Variants in VPS41 observed in about 807,000 individuals in gnomAD.
VPS41 encodes the protein VPS41 subunit of HOPS complex, also known as vacuolar protein sorting-associated protein 41 homolog.
VPS41 carries 85 observed loss-of-function variants against 130.9 expected under a neutral mutation model. The ratio of observed to expected loss-of-function variants is 0.65; its 90% CI spans 0.55 to 0.78. VPS41 has a LOEUF of 0.78. VPS41 is among the 30% of genes least tolerant of loss of function. The pLI, the probability that VPS41 is intolerant of heterozygous loss-of-function variation, is 0.00. For missense variants in VPS41, 874 were observed against 1,018.7 expected (o/e 0.86, Z 1.93); for synonymous variants, 335 against 332.9 (o/e 1.01, Z -0.07).
At chr7:38,731,472 A>G (rs1365224360) in intron 25 of VPS41, among the ~76,000 whole-genome samples, 2 of 152,184 alleles carry the variant, frequency 1.3e-5, no homozygotes, top group Non-Finnish European at 2.9e-5. Flanking sequence ...GATGGCCAAA[A>G]GTCAGATGCC....
intron 10 of VPS41, among the ~76,000 whole-genome samples, chr7:38,784,171 T>A (rs933086804): frequency 6.6e-6 from 1 of 152,218 alleles, no homozygotes; most frequent in Non-Finnish European, 1.5e-5. Flanking sequence ...TGTGAGGCAG[T>A]ATGCTAAATA....
intron 3 of VPS41, among the ~76,000 whole-genome samples, chr7:38,864,952 T>C (rs1041493246): frequency 6.6e-5 from 10 of 152,038 alleles, no homozygotes; most frequent in Admixed American, 4.6e-4. Flanking sequence ...AACTGATAAA[T>C]GTACATCCAT....
intron 4 of VPS41, among the ~76,000 whole-genome samples, chr7:38,851,936 T>G (rs1052106275): frequency 6.6e-6 from 1 of 152,188 alleles, no homozygotes; most frequent in Admixed American, 6.5e-5. Flanking sequence ...TAAAAAAAGC[T>G]AAAGTGTTAA....
At chr7:38,868,228 A>C (rs983600966) in intron 3 of VPS41, among the ~76,000 whole-genome samples, 4 of 152,248 alleles carry the variant, frequency 2.6e-5, no homozygotes, top group Non-Finnish European at 5.9e-5. Context: ...GGAGAATGGC[A>C]GCAATGAAAA....
Position 38,821,211 on chromosome 7 carries a change from G to T in VPS41, c.376C>A (p.Pro126Thr). 1 of 1,613,250 alleles carries T rather than the reference G, an allele frequency of 6.2e-7. No homozygotes were observed. Among genetic ancestry groups the T allele is most frequent in the South Asian group, 1.1e-5 (1 of 91,006 alleles). ...ACTTGCTGAATACTTACTTTAATGGGACAGTCAAAAGTCTCGTGAAATTCT... is the reference window on the plus strand; with the variant it reads ...ACTTGCTGAATACTTACTTTAATGGTACAGTCAAAAGTCTCGTGAAATTCT... Reference protein sequence around the residue: ...GEEFHETFDCPIKIIAVHPHF... With the variant: ...GEEFHETFDCTIKIIAVHPHF... The change falls in exon 6 of 29, where the codon CCC becomes ACC. Residue 126 changes from proline to threonine, a missense_variant. Transcript: ENST00000310301.
chr7:38,729,526 C>T (rs1162296023), intron 25 of VPS41, among the ~76,000 whole-genome samples: 2 of 152,108 alleles, frequency 1.3e-5, no homozygotes, highest in East Asian at 3.8e-4. Flanking sequence ...GAGTCCTTTT[C>T]TTTATTCTTC....
At chr7:38,846,000 C>CA (rs1785716160) in intron 4 of VPS41, among the ~76,000 whole-genome samples, 1 of 151,978 alleles carries the variant, frequency 6.6e-6, no homozygotes. Context: ...AACAAAGATA[C>CA]AAAAGAAAGA....
intron 25 of VPS41, among the ~76,000 whole-genome samples, chr7:38,731,823 C>T (rs1359663022): frequency 6.6e-6 from 1 of 151,984 alleles, no homozygotes; most frequent in Non-Finnish European, 1.5e-5. Context: ...CAGTCCCTAC[C>T]ACCTAGATTT....
rs1275645557 is a variant in VPS41, at chr7:38,772,724, A to G, written c.1013-87T>C. On this transcript the variant is annotated intron_variant, in intron 12 of 28. Coordinates refer to ENST00000310301, the MANE Select transcript of VPS41 (RefSeq NM_014396.4). ...TTCAGAGGACCTGGTTAGGTTACCCAACCCAAGAGCGAACAGAAAATGTGT... is the reference window on the plus strand; with the variant it reads ...TTCAGAGGACCTGGTTAGGTTACCCGACCCAAGAGCGAACAGAAAATGTGT... The G allele has an allele frequency of 2.0e-5, 16 of 784,628 alleles. No homozygotes were observed. In the East Asian group the frequency reaches 4.3e-4, roughly 21 times the overall value. The allele number at this position is 784,628 out of a possible 1,614,324, so 48.6% of individuals were successfully genotyped here.
chr7:38,838,181 A>G (rs542689894), intron 4 of VPS41, among the ~76,000 whole-genome samples: 2 of 152,220 alleles, frequency 1.3e-5, no homozygotes, highest in East Asian at 3.9e-4. Context: ...ACGTACATCT[A>G]CCATTTCTAT....
At chr7:38,791,460 AT>A (rs777401303) in intron 9 of VPS41, among the ~76,000 whole-genome samples, 16 of 152,256 alleles carry the variant, frequency 1.1e-4, no homozygotes, top group East Asian at 1.9e-4. Context: ...AGATATCATT[AT>A]TTTCTTAAGA....
At position 38,724,413 on chromosome 7, in the gene VPS41, T is replaced by C. The variant is rs1462573803; in HGVS notation, c.*1833A>G. ...AGTGTAGCAGAAAGCACACTAGTCT[T>C]GGGATAAGGAAATGCTGAGAAGGCT... On this transcript the variant is annotated 3_prime_UTR_variant, in exon 29 of 29. Transcript: ENST00000310301. 6.6e-6 allele frequency: 1 copy of C among 152,160 alleles called. No homozygotes were observed. The highest frequency in any genetic ancestry group is 1.5e-5 in the Non-Finnish European group (1 of 68,032). 9.4% of individuals were successfully genotyped at this position (152,160 alleles called of 1,614,324 possible).
chr7:38,833,181 C>CT (rs1204991221), intron 4 of VPS41, among the ~76,000 whole-genome samples: 1 of 152,186 alleles, frequency 6.6e-6, no homozygotes, highest in Non-Finnish European at 1.5e-5. Flanking sequence ...TTCACCACCC[C>CT]TACAGCTGCT....
At chr7:38,819,889 A>G (rs1016947491) in intron 6 of VPS41, among the ~76,000 whole-genome samples, 1 of 152,120 alleles carries the variant, frequency 6.6e-6, no homozygotes, top group Non-Finnish European at 1.5e-5. Context: ...TTATTCAACT[A>G]TGGTTATCAC....
At chr7:38,849,551 C>T (rs1377335858) in intron 4 of VPS41, among the ~76,000 whole-genome samples, 1 of 152,168 alleles carries the variant, frequency 6.6e-6, no homozygotes, top group African/African-American at 2.4e-5. Context: ...AGTAGCCCGG[C>T]CTCTCCTCCA....
intron 7 of VPS41, among the ~76,000 whole-genome samples, chr7:38,797,789 G>C (rs1468178072): frequency 6.6e-6 from 1 of 152,176 alleles, no homozygotes; most frequent in Non-Finnish European, 1.5e-5. Context: ...ACAGGGGAAA[G>C]AGAGTAAATT....
intron 10 of VPS41, among the ~76,000 whole-genome samples, chr7:38,785,266 A>G (rs1227939907): frequency 6.6e-6 from 1 of 152,252 alleles, no homozygotes; most frequent in Non-Finnish European, 1.5e-5. Context: ...TGTGCTAAGA[A>G]GCAGACACAT....
At chr7:38,872,157 A>G (rs986119531) in intron 2 of VPS41, among the ~76,000 whole-genome samples, 1 of 152,184 alleles carries the variant, frequency 6.6e-6, no homozygotes, top group African/African-American at 2.4e-5. Flanking sequence ...GGCTCAATCA[A>G]ATGGCTGGCA....
chr7:38,776,224 C>G (rs1183879469), intron 11 of VPS41, among the ~76,000 whole-genome samples: 1 of 152,192 alleles, frequency 6.6e-6, no homozygotes, highest in East Asian at 1.9e-4. Flanking sequence ...CATAATCAAG[C>G]TACTTAGAAT....
Sources: allele counts gnomAD v4.1 joint callset (sites outside exome capture counted in the v4.1 genomes callset), GRCh38; gene constraint gnomAD v4.1.1; transcripts MANE v1.5; gene names NCBI Gene and HGNC (gene_info 2026-07-23, HGNC 2026-07-21).